The following CLEC5A variants were observed in gnomAD, a reference collection of about 807,000 sequenced individuals.
The protein encoded by CLEC5A is C-type lectin domain containing 5A.
CLEC5A carries 15 observed loss-of-function variants against 24.4 expected under a neutral mutation model. The observed-to-expected ratio is 0.62, with a 90% CI of 0.41 to 0.95. The LOEUF is 0.95. Ranked by LOEUF, CLEC5A falls within the 40% of genes least tolerant of loss-of-function variation. CLEC5A has a pLI of 0.00. For synonymous variants in CLEC5A, 71 were observed against 72.6 expected (o/e 0.98, Z 0.11); for missense variants, 211 against 224.0 (o/e 0.94, Z 0.37).
intron 4 of CLEC5A, among the ~76,000 whole-genome samples, chr7:141,942,068 GA>G (rs1330125135): frequency 2.0e-5 from 3 of 152,002 alleles, no homozygotes; most frequent in African/African-American, 7.2e-5. Context: ...CACAGAAACA[GA>G]AAAAATTATC....
intron 3 of CLEC5A, 116 bp from the exon 4 acceptor site, chr7:141,944,080 C>T (rs1227150128): frequency 2.1e-5 from 15 of 715,614 alleles, no homozygotes; most frequent in Non-Finnish European, 3.7e-5. Flanking sequence ...AGCTCTTGGC[C>T]ACTCTGAGCT....
intron 3 of CLEC5A, among the ~76,000 whole-genome samples, chr7:141,944,215 G>T (rs1554441896): frequency 1.3e-5 from 2 of 152,062 alleles, no homozygotes; most frequent in African/African-American, 4.8e-5. Flanking sequence ...ATCAAATCCT[G>T]AGAAAAAGAA....
chr7:141,933,023 T>G (rs1040683642), intron 5 of CLEC5A, among the ~76,000 whole-genome samples: 4 of 152,216 alleles, frequency 2.6e-5, no homozygotes, highest in Non-Finnish European at 5.9e-5. Flanking sequence ...AATATTTTGC[T>G]TATGTAATGT....
intron 4 of CLEC5A, among the ~76,000 whole-genome samples, chr7:141,943,581 A>T (rs1304494785): frequency 6.6e-6 from 1 of 152,156 alleles, no homozygotes; most frequent in African/African-American, 2.4e-5. Context: ...CTAACAGTAT[A>T]ATTGGATTGT....
rs1554440425 is a variant in CLEC5A, at chr7:141,931,805, C to G, written c.367G>C (p.Asp123His). Residue 123 changes from aspartate to histidine, a missense_variant, in exon 6 of 7, where the codon GAT becomes CAT. Physicochemically the swap from Asp to His is moderately conservative, Grantham distance 81 (BLOSUM62 -1). Coordinates refer to ENST00000546910, the MANE Select transcript of CLEC5A (RefSeq NM_013252.3). ...EKLKFLQDIT[D>H]AEKYFIGLIY... ...AAGCCAATAAAATACTTCTCAGCATCAGTTATGTCCTGAAGAAACTTCTGG... is the reference window on the plus strand; with the variant it reads ...AAGCCAATAAAATACTTCTCAGCATGAGTTATGTCCTGAAGAAACTTCTGG... 6.3e-7 allele frequency: 1 copy of G among 1,580,654 alleles called. No individual in the cohort carries two copies. The highest frequency in any genetic ancestry group is 1.1e-5 in the South Asian group (1 of 87,194).
chr7:141,939,666 C>G (rs1802728690), intron 4 of CLEC5A, among the ~76,000 whole-genome samples: 1 of 151,878 alleles, frequency 6.6e-6, no homozygotes, highest in Non-Finnish European at 1.5e-5. Flanking sequence ...AAAACAAGAC[C>G]TAATGATCTA....
rs781852738 is a variant in CLEC5A at position 141,946,168 on chromosome 7, G to T, written c.79+46C>A. 2.2e-5 allele frequency: 34 copies of T among 1,536,768 alleles called. No individual in the cohort carries two copies. In the Admixed American group the frequency reaches 6.5e-4, roughly 29 times the overall value. ...TGCATTCTGAGAGAAGAGTCAATGA[G>T]CAAGACAACATGAAGTCTGGGGCAA... On this transcript the variant is annotated intron_variant, in intron 2 of 6. Coordinates refer to ENST00000546910, the MANE Select transcript of CLEC5A (RefSeq NM_013252.3).
In CLEC5A at chr7:141,931,756, CT is replaced by C; in HGVS notation, c.415del (p.Arg139GlyfsTer28). On this transcript the variant is annotated frameshift_variant, in exon 6 of 7. Coordinates refer to ENST00000546910, the MANE Select transcript of CLEC5A (RefSeq NM_013252.3). LOFTEE classifies it high-confidence loss of function. ...CACAGAGTTGTTGATCCAACGCCAC[CT>C]TTTCTCTTCACGATGGTAAATTAAG... Reference protein sequence around the residue: ...IGLIYHREEKRWRWINNSVFN... With the variant: ...IGLIYHREEKXWRWINNSVFN... 1.9e-6 allele frequency: 3 copies of C among 1,603,532 alleles called. No individual in the cohort carries two copies. The highest frequency in any genetic ancestry group is 1.3e-5 in the African/African-American group (1 of 74,770).
intron 4 of CLEC5A, among the ~76,000 whole-genome samples, chr7:141,936,788 G>T (rs376293721): frequency 5.9e-5 from 9 of 152,130 alleles, no homozygotes; most frequent in African/African-American, 1.9e-4. Context: ...CTCCAAAAGA[G>T]ACCCTTTCTT....
chr7:141,943,206 G>A lies in CLEC5A; in HGVS notation c.208+690C>T, dbSNP rs112133100. Reference sequence around the variant, plus strand: ...CATCAACAGATGAATGGATAAAGAAGTGTGGTACATATACACAATGGAGTA... The same window carrying A: ...CATCAACAGATGAATGGATAAAGAAATGTGGTACATATACACAATGGAGTA... On this transcript the variant is annotated intron_variant, in intron 4 of 6. Transcript: ENST00000546910. Among the ~76,000 whole-genome samples the A allele has an allele frequency of 4.3e-3, 660 of 152,232 alleles. 5 individuals are homozygous for A. The highest frequency in any genetic ancestry group is 0.015 in the African/African-American group (634 of 41,552).
At chr7:141,942,649 T>C (rs1187715201) in intron 4 of CLEC5A, among the ~76,000 whole-genome samples, 1 of 151,660 alleles carries the variant, frequency 6.6e-6, no homozygotes, top group Non-Finnish European at 1.5e-5. Context: ...ATCCACAGAA[T>C]GGAAAAAAAT....
At chr7:141,940,760 G>A (rs962015062) in intron 4 of CLEC5A, among the ~76,000 whole-genome samples, 1 of 151,066 alleles carries the variant, frequency 6.6e-6, no homozygotes, top group Non-Finnish European at 1.5e-5. Context: ...ACAATGGATG[G>A]CACAGAAATT....
chr7:141,945,275 G>A (rs1227088655), intron 3 of CLEC5A, 66 bp downstream of exon 3: 5 of 1,112,714 alleles, frequency 4.5e-6, no homozygotes, highest in Non-Finnish European at 6.9e-6. Context: ...TGTGTGGAAG[G>A]TCTCTAGGAA....
chr7:141,939,865 G>T (rs1272644331), intron 4 of CLEC5A, among the ~76,000 whole-genome samples: 1 of 151,942 alleles, frequency 6.6e-6, no homozygotes, highest in African/African-American at 2.4e-5. Flanking sequence ...ATGATAAAGG[G>T]GTCAATTCAG....
At chr7:141,942,748 T>C (rs782348381) in intron 4 of CLEC5A, among the ~76,000 whole-genome samples, 6 of 151,954 alleles carry the variant, frequency 3.9e-5, no homozygotes, top group Non-Finnish European at 7.4e-5. Context: ...TCTAATAATC[T>C]AGTTAAAAAT....
intron 2 of CLEC5A, 73 bp downstream of exon 2, chr7:141,946,141 C>A (rs1554442113): frequency 6.8e-7 from 1 of 1,478,298 alleles, no homozygotes; most frequent in African/African-American, 1.4e-5. Context: ...TACACACAAC[C>A]ATGCATTCTG....
At chr7:141,937,299 A>C (rs1211635566) in intron 4 of CLEC5A, among the ~76,000 whole-genome samples, 1 of 152,018 alleles carries the variant, frequency 6.6e-6, no homozygotes, top group African/African-American at 2.4e-5. Context: ...GCCCACAGAC[A>C]TAAAGGGTAG....
At chr7:141,946,056 G>A (rs1022054154) in intron 2 of CLEC5A, 158 bp downstream of exon 2, 6 of 696,390 alleles carry the variant, frequency 8.6e-6, no homozygotes, top group Non-Finnish European at 1.5e-5. Context: ...GTGCTGGGGA[G>A]TGAGAAAGGC....
chr7:141,938,849 G>A (rs1415000099), intron 4 of CLEC5A, among the ~76,000 whole-genome samples: 2 of 152,230 alleles, frequency 1.3e-5, no homozygotes, highest in African/African-American at 2.4e-5. Context: ...TAGGCCAGGA[G>A]AGAGTGGCAT....
Sources: gnomAD v4.1 joint callset for allele counts (sites outside exome capture counted in the v4.1 genomes callset) on GRCh38, gnomAD v4.1.1 for gene constraint, MANE v1.5 for transcripts, NCBI Gene and HGNC (gene_info 2026-07-23, HGNC 2026-07-21) for gene names.